Variants in RELN observed in about 807,000 individuals in gnomAD.
RELN encodes the protein reelin.
In RELN, 108 loss-of-function variants were observed where a neutral mutation model predicts 427.6. The observed-to-expected ratio is 0.25, with a 90% CI of 0.22 to 0.30. The LOEUF is 0.30. RELN is among the 10% of genes least tolerant of loss of function. RELN has a pLI of 1.00. For missense variants in RELN, 3,715 were observed against 4,302.8 expected (o/e 0.86, Z 3.82); for synonymous variants, 1,524 against 1,513.4 (o/e 1.01, Z -0.16).
intron 1 of RELN, among the ~76,000 whole-genome samples, chr7:103,963,767 C>T (rs760468582): frequency 6.6e-6 from 1 of 152,108 alleles, no homozygotes; most frequent in Non-Finnish European, 1.5e-5. Flanking sequence ...ATCAGTATCT[C>T]CCTTTTCAGA....
At chr7:103,936,419 C>G (rs1191713651) in intron 1 of RELN, among the ~76,000 whole-genome samples, 1 of 151,990 alleles carries the variant, frequency 6.6e-6, no homozygotes, top group African/African-American at 2.4e-5. Flanking sequence ...TTTCAGTGTT[C>G]ATTCTAGTGT....
At chr7:103,817,867 C>T (rs1011618097) in intron 3 of RELN, among the ~76,000 whole-genome samples, 7 of 142,900 alleles carry the variant, frequency 4.9e-5, no homozygotes, top group African/African-American at 1.6e-4. Flanking sequence ...ATTGCTTAAA[C>T]CTGGGAGGCA....
chr7:103,595,140 T>C (rs1055513816), intron 25 of RELN, among the ~76,000 whole-genome samples: 3 of 152,240 alleles, frequency 2.0e-5, no homozygotes, highest in Admixed American at 1.3e-4. Context: ...TATTCTGCAA[T>C]TTGAGGAAGC....
At chr7:103,647,503 T>C (rs1302780363) in intron 16 of RELN, among the ~76,000 whole-genome samples, 1 of 150,368 alleles carries the variant, frequency 6.7e-6, no homozygotes, top group Non-Finnish European at 1.5e-5. Flanking sequence ...AGGTGGTGAA[T>C]GATCTCTACA....
Position 103,490,800 on chromosome 7 carries a change from T to A in RELN, c.9473A>T (p.Gln3158Leu). 1 of 1,614,182 alleles carries A rather than the reference T, an allele frequency of 6.2e-7. No individual in the cohort carries two copies. ...GCTGTTAGAAGAGGAAGGAAGGCAC[T>A]GGGTCTGTACGAGCTGCCAGGAATC... is the stretch of plus-strand genomic sequence containing the variant. ...RSDSWQLVQTQCLPSSSNSIG... is the reference protein window; with the variant it reads ...RSDSWQLVQTLCLPSSSNSIG... Residue 3158 changes from glutamine (Q) to leucine (L), a missense_variant, in exon 59 of 65, where the codon CAG becomes CTG. Transcript: ENST00000428762.
intron 2 of RELN, among the ~76,000 whole-genome samples, chr7:103,855,939 T>C (rs745491111): frequency 2.6e-5 from 4 of 152,154 alleles, no homozygotes; most frequent in Non-Finnish European, 4.4e-5. Flanking sequence ...TATGAAGTAC[T>C]AGGGGTCAGG....
chr7:103,898,045 C>T (rs770767482), intron 2 of RELN, among the ~76,000 whole-genome samples: 7 of 152,018 alleles, frequency 4.6e-5, no homozygotes, highest in Non-Finnish European at 8.8e-5. Flanking sequence ...TTAACTGACT[C>T]AATGCTAGTA....
chr7:103,610,953 T>C (rs1369171566), intron 21 of RELN, 146 bp from the exon 22 acceptor site: 2 of 675,382 alleles, frequency 3.0e-6, no homozygotes, highest in African/African-American at 1.8e-5. Flanking sequence ...AATCCATGAT[T>C]TTTCTTTCCA....
rs3025942 is a variant in RELN at position 103,564,645 on chromosome 7, C to A, written c.5210+633G>T. On this transcript the variant is annotated intron_variant, in intron 34 of 64. Coordinates refer to ENST00000428762, the MANE Select transcript of RELN (RefSeq NM_005045.4). Reference sequence around the variant, plus strand: ...AGATGTAGGAGGCTGGGAAATGCAGCCTGCCATTCAGAACAGAGCACAGGA... The same window carrying A: ...AGATGTAGGAGGCTGGGAAATGCAGACTGCCATTCAGAACAGAGCACAGGA... Among the ~76,000 whole-genome samples, 6 of 151,868 alleles carry A rather than the reference C, an allele frequency of 4.0e-5. 1 individual carries two copies. The highest frequency in any genetic ancestry group is 2.6e-4 in the Admixed American group (4 of 15,236).
At position 103,989,141 on chromosome 7, in the gene RELN, T is replaced by G. The variant is rs771418741; in HGVS notation, c.216A>C (p.Gln72His). The change falls in exon 1 of 65, where the codon CAA (glutamine) becomes CAC (histidine). Residue 72 changes from glutamine to histidine, a missense_variant. Gln to His is a conservative substitution (Grantham distance 24). Coordinates refer to ENST00000428762, the MANE Select transcript of RELN (RefSeq NM_005045.4). The surrounding 1 kb of genome is among the most constrained non-coding windows in gnomAD (Gnocchi z 4.9). Reference sequence around the variant, plus strand: ...TGCTGCGGTACCTACCATGGTATTCTTGTCCCGGAACGTAGTAGGTGGGGT... The same window carrying G: ...TGCTGCGGTACCTACCATGGTATTCGTGTCCCGGAACGTAGTAGGTGGGGT... ...AGNPTYYVPG[Q>H]EYHVTISTST... 1 of 1,613,858 alleles carries G rather than the reference T, an allele frequency of 6.2e-7. No individual in the cohort carries two copies. Among genetic ancestry groups the G allele is most frequent in the Non-Finnish European group, 8.5e-7 (1 of 1,179,912 alleles).
intron 29 of RELN, 146 bp downstream of exon 29, chr7:103,575,402 T>G: frequency 1.1e-6 from 1 of 872,530 alleles, no homozygotes; most frequent in Non-Finnish European, 1.9e-6. Flanking sequence ...TAGCACCTCA[T>G]GTGCCTGGGT....
Position 103,814,189 on chromosome 7 carries a change from T to C in RELN, c.473+19348A>G, listed in dbSNP as rs555381289. Reference sequence around the variant, plus strand: ...AGCCTCTGATTCCTCATCTGCAAAATGGGCATAATAACACTGCTTATTTCA... The same window carrying C: ...AGCCTCTGATTCCTCATCTGCAAAACGGGCATAATAACACTGCTTATTTCA... On this transcript the variant is annotated intron_variant, in intron 3 of 64. Transcript: ENST00000428762. 4.6e-5 allele frequency among the ~76,000 whole-genome samples: 7 copies of C among 152,246 alleles called. No individual in the cohort carries two copies. In the South Asian group the frequency reaches 1.5e-3, roughly 32 times the overall value.
chr7:103,652,472 T>G (rs2117391091), intron 14 of RELN, 79 bp downstream of exon 14: 3 of 1,143,020 alleles, frequency 2.6e-6, no homozygotes, highest in Non-Finnish European at 3.9e-6. Context: ...AAACTCTACC[T>G]AGAAACTACC....
intron 11 of RELN, among the ~76,000 whole-genome samples, chr7:103,677,529 G>C (rs1833563123): frequency 6.8e-6 from 1 of 148,066 alleles, no homozygotes; most frequent in African/African-American, 2.5e-5. Context: ...ACTTCAGGAG[G>C]CCAAGGCGGG....
intron 2 of RELN, among the ~76,000 whole-genome samples, chr7:103,913,245 G>T (rs1409955984): frequency 6.6e-6 from 1 of 152,066 alleles, no homozygotes; most frequent in Non-Finnish European, 1.5e-5. Flanking sequence ...TACATTCAAA[G>T]AAGAGTAGCT....
At chr7:103,605,951 A>G (rs573569525) in intron 22 of RELN, among the ~76,000 whole-genome samples, 1 of 152,304 alleles carries the variant, frequency 6.6e-6, no homozygotes, top group African/African-American at 2.4e-5. Flanking sequence ...ATACGATGGG[A>G]CAGATGCACC....
Position 103,551,018 on chromosome 7 carries a change from T to C in RELN, c.6302+49A>G, listed in dbSNP as rs199740085. On this transcript the variant is annotated intron_variant, in intron 41 of 64. Transcript: ENST00000428762. ...GGCAAGTGAACGATGACTTCAGGAA[T>C]AAACTGTCAAAGGAGAAACAAATGT... 31 of 1,481,138 alleles carry C rather than the reference T, an allele frequency of 2.1e-5. No homozygotes were observed. In the East Asian group the frequency reaches 6.9e-4, roughly 33 times the overall value. The allele number at this position is 1,481,138 out of a possible 1,614,324, so 91.7% of individuals were successfully genotyped here.
chr7:103,630,870 T>TTTG (rs1554394477), intron 19 of RELN, among the ~76,000 whole-genome samples: 13 of 150,450 alleles, frequency 8.6e-5, no homozygotes, highest in South Asian at 2.1e-4. Context: ...GTTTTTTTTT[T>TTTG]TTTTGTTTTT....
intron 6 of RELN, among the ~76,000 whole-genome samples, chr7:103,743,665 A>T (rs764875823): frequency 1.3e-5 from 2 of 152,212 alleles, no homozygotes; most frequent in Non-Finnish European, 2.9e-5. Flanking sequence ...AGAGACAAAG[A>T]AGGACGTTAC....
Sources: allele counts gnomAD v4.1 joint callset (sites outside exome capture counted in the v4.1 genomes callset), GRCh38; gene constraint gnomAD v4.1.1; non-coding constraint Gnocchi (gnomAD v3.1); transcripts MANE v1.5; gene names NCBI Gene and HGNC (gene_info 2026-07-23, HGNC 2026-07-21).